SLC25A13: variants seen among roughly 807,000 people sequenced by gnomAD.
The protein encoded by SLC25A13 is solute carrier family 25 member 13.
A neutral mutation model predicts 85.5 loss-of-function variants in SLC25A13; 70 were observed. That is an observed-to-expected ratio of 0.82 (90% CI 0.68 to 1.00). The LOEUF is 1.00. Ranked by LOEUF, SLC25A13 falls within the 50% of genes least tolerant of loss-of-function variation. The pLI, the probability that SLC25A13 is intolerant of heterozygous loss-of-function variation, is 0.00. For synonymous variants in SLC25A13, 259 were observed against 288.7 expected, an observed-to-expected ratio of 0.90 and a Z score of 1.04; for missense variants, 765 against 819.8, an observed-to-expected ratio of 0.93 and a Z score of 0.82.
At chr7:96,212,187 T>G (rs1795724769) in intron 4 of SLC25A13, among the ~76,000 whole-genome samples, 1 of 152,168 alleles carries the variant, frequency 6.6e-6, no homozygotes, top group African/African-American at 2.4e-5. Context: ...CTCCTGGAGT[T>G]GGGGAGTGTA....
At chr7:96,278,604 A>G (rs901579392) in intron 2 of SLC25A13, among the ~76,000 whole-genome samples, 1 of 152,210 alleles carries the variant, frequency 6.6e-6, no homozygotes, top group African/African-American at 2.4e-5. Flanking sequence ...CAGCTTCATA[A>G]GACTGATGCT....
At chr7:96,290,228 G>C (rs1194593388) in intron 2 of SLC25A13, among the ~76,000 whole-genome samples, 3 of 152,166 alleles carry the variant, frequency 2.0e-5, no homozygotes, top group Non-Finnish European at 2.9e-5. Context: ...CAAATGCTGA[G>C]AGATTTTGTC....
intron 4 of SLC25A13, among the ~76,000 whole-genome samples, chr7:96,212,127 T>C (rs1443028551): frequency 6.6e-6 from 1 of 152,024 alleles, no homozygotes; most frequent in Non-Finnish European, 1.5e-5. Flanking sequence ...GCTCCCATGC[T>C]GCACAACTCT....
At chr7:96,321,777 G>A (rs1164888250) in intron 1 of SLC25A13, among the ~76,000 whole-genome samples, 165 bp downstream of exon 1, 1 of 152,190 alleles carries the variant, frequency 6.6e-6, no homozygotes, top group Non-Finnish European at 1.5e-5. Flanking sequence ...GTGCTGCCCG[G>A]GAGGAGTGGC....
chr7:96,165,082 A>T (rs1394817434), intron 13 of SLC25A13, among the ~76,000 whole-genome samples: 1 of 152,244 alleles, frequency 6.6e-6, no homozygotes, highest in Non-Finnish European at 1.5e-5. Context: ...ACAGGTTACC[A>T]TGCAATGCCT....
chr7:96,209,234 G>T (rs1273068862), intron 4 of SLC25A13, among the ~76,000 whole-genome samples: 1 of 151,854 alleles, frequency 6.6e-6, no homozygotes, highest in Non-Finnish European at 1.5e-5. Flanking sequence ...CCTAAAGGCT[G>T]TAGGAAACCC....
intron 2 of SLC25A13, among the ~76,000 whole-genome samples, chr7:96,290,765 C>T (rs916662228): frequency 6.6e-6 from 1 of 152,102 alleles, no homozygotes; most frequent in African/African-American, 2.4e-5. Context: ...ACAGGAGCAC[C>T]AAGATTCATA....
intron 1 of SLC25A13, 112 bp downstream of exon 1, chr7:96,321,830 C>T (rs1408083353): frequency 3.0e-6 from 4 of 1,330,696 alleles, no homozygotes; most frequent in East Asian, 5.9e-5. Flanking sequence ...CTGCCCGGCA[C>T]CCCATTTTGC....
At chr7:96,318,816 G>A (rs1269660742) in intron 1 of SLC25A13, among the ~76,000 whole-genome samples, 1 of 152,196 alleles carries the variant, frequency 6.6e-6, no homozygotes, top group Non-Finnish European at 1.5e-5. Context: ...CACAGTGAGT[G>A]TAGTGAGTGT....
chr7:96,180,462 C>G (rs919997958), intron 11 of SLC25A13, among the ~76,000 whole-genome samples: 2 of 152,106 alleles, frequency 1.3e-5, no homozygotes, highest in Non-Finnish European at 2.9e-5. Context: ...CAGCCTGTAG[C>G]TGCGATTACA....
intron 14 of SLC25A13, among the ~76,000 whole-genome samples, chr7:96,141,019 CT>C (rs11433644): frequency 0.023 from 2,849 of 124,638 alleles, 85 homozygotes; most frequent in African/African-American, 0.079. Flanking sequence ...TTTTTTCTTT[CT>C]TTTTTTTTTT....
chr7:96,137,083 A>G (rs1175581947), intron 14 of SLC25A13, among the ~76,000 whole-genome samples: 4 of 152,174 alleles, frequency 2.6e-5, no homozygotes, highest in Non-Finnish European at 5.9e-5. Context: ...GGCTTCCCCC[A>G]AGCAAGTTAA....
intron 3 of SLC25A13, among the ~76,000 whole-genome samples, chr7:96,239,037 T>TTATATATATATA (rs58990918): frequency 7.6e-4 from 99 of 130,852 alleles, no homozygotes; most frequent in African/African-American, 2.2e-3. Context: ...ACTATATATT[T>TTATATATATATA]TATATATATA....
intron 1 of SLC25A13, among the ~76,000 whole-genome samples, chr7:96,314,186 A>G (rs1465168879): frequency 6.6e-6 from 1 of 152,068 alleles, no homozygotes; most frequent in African/African-American, 2.4e-5. Context: ...GAAGCCTGCA[A>G]AGGAGAATAA....
intron 3 of SLC25A13, among the ~76,000 whole-genome samples, chr7:96,248,494 AT>A (rs1298892132): frequency 6.6e-6 from 1 of 152,016 alleles, no homozygotes; most frequent in African/African-American, 2.4e-5. Flanking sequence ...ATGAAGTGGA[AT>A]TTTTTTTCTT....
At chr7:96,254,796 G>A (rs1562880485) in intron 3 of SLC25A13, among the ~76,000 whole-genome samples, 1 of 152,004 alleles carries the variant, frequency 6.6e-6, no homozygotes, top group African/African-American at 2.4e-5. Flanking sequence ...ATACCCTGTG[G>A]GAGGAGAAAC....
intron 1 of SLC25A13, among the ~76,000 whole-genome samples, chr7:96,320,609 A>G (rs1211112662): frequency 6.6e-6 from 1 of 152,206 alleles, no homozygotes; most frequent in Non-Finnish European, 1.5e-5. Flanking sequence ...AAACTGCTGA[A>G]AAGTTATAGA....
intron 1 of SLC25A13, among the ~76,000 whole-genome samples, chr7:96,300,128 T>C (rs1371936636): frequency 6.6e-6 from 1 of 152,154 alleles, no homozygotes; most frequent in Non-Finnish European, 1.5e-5. Flanking sequence ...GGACATGATC[T>C]TACAGGAATG....
At chr7:96,261,673 T>C (rs985160223) in intron 3 of SLC25A13, among the ~76,000 whole-genome samples, 2 of 152,206 alleles carry the variant, frequency 1.3e-5, no homozygotes, top group Non-Finnish European at 1.5e-5. Context: ...CCACAATCAA[T>C]GGGAAAGTTG....
Sources: gnomAD v4.1 joint callset for allele counts (sites outside exome capture counted in the v4.1 genomes callset) on GRCh38, gnomAD v4.1.1 for gene constraint, MANE v1.5 for transcripts, NCBI Gene and HGNC (gene_info 2026-07-23, HGNC 2026-07-21) for gene names.